HINFP: variants seen among roughly 807,000 people sequenced by gnomAD.
HINFP encodes MBD2 (methyl-CpG-binding protein)-interacting zinc finger protein.
A neutral mutation model predicts 50.1 loss-of-function variants in HINFP; 20 were observed. That is an observed-to-expected ratio of 0.40 (90% CI 0.28 to 0.58). HINFP has a LOEUF of 0.58. Ranked by LOEUF, HINFP falls within the 20% of genes least tolerant of loss-of-function variation. HINFP has a pLI of 0.45. For synonymous variants in HINFP, 247 were observed against 243.7 expected, an observed-to-expected ratio of 1.01 and a Z score of -0.13; for missense variants, 505 against 664.1, an observed-to-expected ratio of 0.76 and a Z score of 2.63.
chr11:119,128,674 A>G (rs1473555483), intron 2 of HINFP, among the ~76,000 whole-genome samples: 1 of 151,924 alleles, frequency 6.6e-6, no homozygotes, highest in Non-Finnish European at 1.5e-5. Flanking sequence ...CAAAGAGCCT[A>G]TGAGATAGGC....
At chr11:119,127,351 A>G in intron 2 of HINFP, 1 of 390,068 alleles carries the variant, frequency 2.6e-6, no homozygotes. Flanking sequence ...TGCTGACAGT[A>G]CTTTAGTGAA....
intron 2 of HINFP, among the ~76,000 whole-genome samples, chr11:119,128,854 A>G (rs1947574709): frequency 6.6e-6 from 1 of 151,722 alleles, no homozygotes; most frequent in Non-Finnish European, 1.5e-5. Flanking sequence ...ACATGCCACT[A>G]TGCCCAGCTA....
chr11:119,134,022 C>G lies in HINFP; in HGVS notation c.1140-62C>G, dbSNP rs1391401420. The G allele has an allele frequency of 8.7e-6, 14 of 1,609,084 alleles. No homozygotes were observed. The highest frequency in any genetic ancestry group is 1.2e-5 in the Non-Finnish European group (14 of 1,175,812). The stretch of plus-strand genomic sequence containing the variant: ...TCATGTTTGTTCCTTACTTTGCCAG[C>G]CTCGGCCATTTCTGTATCCCCCTGC... On this transcript the variant is annotated intron_variant, in intron 9 of 9. Coordinates refer to ENST00000350777, the MANE Select transcript of HINFP (RefSeq NM_198971.3). This position sits in a 1 kb window ranked among gnomAD's most constrained non-coding sequence, Gnocchi z 4.3.
chr11:119,132,397 C>T, intron 5 of HINFP, 99 bp from the exon 6 acceptor site: 5 of 1,188,786 alleles, frequency 4.2e-6, no homozygotes, highest in Non-Finnish European at 6.2e-6. Flanking sequence ...TCCTTTTCTC[C>T]TTGGGTGGTT....
In HINFP at chr11:119,131,524, C is replaced by T; in HGVS notation, c.412-11C>T. The T allele has an allele frequency of 6.2e-7, 1 of 1,604,624 alleles. No homozygotes were observed. Among genetic ancestry groups the T allele is most frequent in the Middle Eastern group, 1.7e-4 (1 of 6,042 alleles). On this transcript the variant is annotated splice_polypyrimidine_tract_variant and intron_variant, in intron 3 of 9. Coordinates refer to ENST00000350777, the MANE Select transcript of HINFP (RefSeq NM_198971.3). This position sits in a 1 kb window ranked among gnomAD's most constrained non-coding sequence, Gnocchi z 4.2. ...ACCCTCAGTCCTCACCCCAAGTTGC[C>T]CCTGGCACAGAATTCCTTCGACAAT...
At position 119,121,599 on chromosome 11, in the gene HINFP, G is replaced by A. The variant is rs1488523373; in HGVS notation, c.-51G>A. The A allele has an allele frequency of 7.9e-5, 12 of 152,376 alleles. No individual in the cohort carries two copies. The highest frequency in any genetic ancestry group is 2.9e-4 in the African/African-American group (12 of 41,466). The allele number at this position is 152,376 out of a possible 1,614,324, so 9.4% of individuals were successfully genotyped here. On this transcript the variant is annotated 5_prime_UTR_variant, in exon 1 of 10. It removes the in-frame stop codon of an upstream open reading frame in the 5' UTR. Transcript: ENST00000350777. ...TCAAGCGCCTCTCCGGAGATGGTCT[G>A]AGGTGGGAGAAGAGCTGAAGAGACC...
At chr11:119,133,960 A>G in intron 9 of HINFP, 124 bp from the exon 10 acceptor site, 1 of 1,335,280 alleles carries the variant, frequency 7.5e-7, no homozygotes, top group Non-Finnish European at 1.0e-6. Flanking sequence ...TTTGTCTTCA[A>G]CTCCTGTCAC....
rs140435345 is a variant in HINFP, at chr11:119,128,350, G to A, written c.181+1225G>A. On this transcript the variant is annotated intron_variant, in intron 2 of 9. Coordinates refer to ENST00000350777, the MANE Select transcript of HINFP (RefSeq NM_198971.3). ...GATGGAGTCTCATTCTTGTTGCCCA[G>A]GCTGTAGTGCAGTGGTGCAATCTCG... Among the ~76,000 whole-genome samples, 777 of 151,964 alleles carry A rather than the reference G, an allele frequency of 5.1e-3. 5 individuals carry two copies. The highest frequency in any genetic ancestry group is 0.018 in the African/African-American group (736 of 41,434).
At position 119,129,905 on chromosome 11, in the gene HINFP, A is replaced by G. The variant is rs575666142; in HGVS notation, c.182-820A>G. On this transcript the variant is annotated intron_variant, in intron 2 of 9. Coordinates refer to ENST00000350777, the MANE Select transcript of HINFP (RefSeq NM_198971.3). ...AAATTCTGTTTTAAGTCTGATGACT[A>G]TGAACCATAATTGATAGTTTCAAAA... is the stretch of plus-strand genomic sequence containing the variant. 5 of 152,370 alleles carry G rather than the reference A, an allele frequency of 3.3e-5. No homozygotes were observed. The East Asian group carries it at 5.8e-4, about 18-fold the overall frequency. 9.4% of individuals were successfully genotyped at this position (152,370 alleles called of 1,614,324 possible).
chr11:119,134,589 A>G lies in HINFP; in HGVS notation c.*91A>G, dbSNP rs1947973879. 6.8e-6 allele frequency: 7 copies of G among 1,025,686 alleles called. No individual in the cohort carries two copies. Among genetic ancestry groups the G allele is most frequent in the Non-Finnish European group, 9.8e-6 (7 of 717,032 alleles). 63.5% of individuals were successfully genotyped at this position (1,025,686 alleles called of 1,614,324 possible). On this transcript the variant is annotated 3_prime_UTR_variant, in exon 10 of 10. Transcript: ENST00000350777. The surrounding 1 kb of genome is among the most constrained non-coding windows in gnomAD (Gnocchi z 4.3). ...CCTAGTGGGCAGCCGTTGCCAATGG[A>G]TGCCTTTAGGAGTGGTGCCGAGAGC...
At chr11:119,133,045 G>A (rs974641369) in intron 8 of HINFP, 43 bp downstream of exon 8, 1 of 1,614,154 alleles carries the variant, frequency 6.2e-7, no homozygotes. Flanking sequence ...GAAGTATGGG[G>A]GACCCTGGGG....
chr11:119,127,055 TCAGCACCTGCAG>T lies in HINFP; in HGVS notation c.123_134del (p.Gln41_Leu44del), dbSNP rs748136504. ...TGGAAAAGTTCTTTGAGCATGTCAC[TCAGCACCTGCAG>T]CAGCACCTGCATGGCTCTGGGGAGG... On this transcript the variant is annotated inframe_deletion, in exon 2 of 10. Transcript: ENST00000350777. 37 of 1,613,950 alleles carry T rather than the reference TCAGCACCTGCAG, an allele frequency of 2.3e-5. No individual in the cohort carries two copies. In the Admixed American group the frequency reaches 3.0e-4, roughly 13 times the overall value.
chr11:119,133,366 G>T (rs1142870), intron 9 of HINFP, 147 bp downstream of exon 9: 1 of 946,528 alleles, frequency 1.1e-6, no homozygotes, highest in South Asian at 1.6e-5. Flanking sequence ...GGATCATGAG[G>T]TCAGGAGTTC....
Position 119,133,101 on chromosome 11 carries a change from T to A in HINFP, c.1021T>A (p.Ser341Thr), listed in dbSNP as rs1232829117. 6.2e-7 allele frequency: 1 copy of A among 1,614,226 alleles called. No homozygotes were observed. The highest frequency in any genetic ancestry group is 2.2e-5 in the East Asian group (1 of 44,878). ...SHYRKVHEGD[S>T]EPRYKCHVCD... Reference sequence around the variant, plus strand: ...TCCCTTCCTTCCCCATCAGGGAGACTCTGAGCCAAGGTACAAATGTCATGT... The same window carrying A: ...TCCCTTCCTTCCCCATCAGGGAGACACTGAGCCAAGGTACAAATGTCATGT... Residue 341 changes from serine (S) to threonine (T), a missense_variant, in exon 9 of 10, where the codon TCT becomes ACT. Ser to Thr is a moderately conservative substitution (Grantham distance 58). Transcript: ENST00000350777.
chr11:119,130,997 G>A (rs751221079), intron 3 of HINFP, 43 bp downstream of exon 3: 4 of 1,504,786 alleles, frequency 2.7e-6, no homozygotes, highest in Admixed American at 1.7e-5. Context: ...GGAAGCTGGG[G>A]GTCTTAACTC....
chr11:119,132,038 G>A (rs1217184839), intron 5 of HINFP, 56 bp downstream of exon 5: 3 of 1,596,502 alleles, frequency 1.9e-6, no homozygotes, highest in Non-Finnish European at 2.6e-6. Flanking sequence ...GAATGGGTTA[G>A]GGGCATGTTT....
intron 2 of HINFP, among the ~76,000 whole-genome samples, chr11:119,127,875 G>A (rs980805615): frequency 1.0e-5 from 1 of 98,104 alleles, no homozygotes; most frequent in Admixed American, 1.1e-4. Context: ...TTTTTTTTTT[G>A]AGACGGAGTC....
At chr11:119,125,338 C>T (rs548116167) in intron 1 of HINFP, 4 of 152,104 alleles carry the variant, frequency 2.6e-5, no homozygotes, top group South Asian at 2.1e-4. Context: ...TGCGCACAGC[C>T]GAGAACCTTC....
In HINFP at chr11:119,131,622, C is replaced by T; in HGVS notation, c.499C>T (p.Pro167Ser). Residue 167 changes from proline to serine, a missense_variant, in exon 4 of 10, where the codon CCG becomes TCG. Physicochemically the swap from Pro to Ser is moderately conservative, Grantham distance 74. Transcript: ENST00000350777. This position sits in a 1 kb window ranked among gnomAD's most constrained non-coding sequence, Gnocchi z 4.2. ...ATACGAAGCAGTCGGCAAGGACAACCCGGTGGTGCTGTGTGGCTGGAAAGG... is the reference window on the plus strand; with the variant it reads ...ATACGAAGCAGTCGGCAAGGACAACTCGGTGGTGCTGTGTGGCTGGAAAGG... ...CEYEAVGKDN[P>S]VVLCGWKGCT... The T allele has an allele frequency of 1.9e-6, 3 of 1,614,026 alleles. No homozygotes were observed. The highest frequency in any genetic ancestry group is 1.3e-5 in the African/African-American group (1 of 75,046).
Sources: allele counts gnomAD v4.1 joint callset (sites outside exome capture counted in the v4.1 genomes callset), GRCh38; gene constraint gnomAD v4.1.1; non-coding constraint Gnocchi (gnomAD v3.1); transcripts MANE v1.5; gene names NCBI Gene and HGNC (gene_info 2026-07-23, HGNC 2026-07-21).